Variants in RIN2 observed in about 807,000 individuals in gnomAD.
RIN2 encodes the protein RAB5 interacting protein 2.
In RIN2, 36 loss-of-function variants were observed where a neutral mutation model predicts 78.0. The ratio of observed to expected loss-of-function variants is 0.46; its 90% CI spans 0.35 to 0.61. The LOEUF is 0.61. Among genes scored for constraint, RIN2 ranks in the 20% least tolerant of loss-of-function variants. The probability of loss-of-function intolerance (pLI) is 0.00; values close to 1 mark genes in which losing one functional copy is unlikely to be tolerated. For missense variants in RIN2, 1,087 were observed against 1,159.7 expected (o/e 0.94, Z 0.91); for synonymous variants, 466 against 466.8 (o/e 1.00, Z 0.02).
At chr20:19,823,511 C>T in intron 2 of RIN2, 2 of 999,466 alleles carry the variant, frequency 2.0e-6, no homozygotes, top group East Asian at 2.4e-5. Flanking sequence ...GGGTGGCGGC[C>T]ATCAACATTA....
intron 3 of RIN2, among the ~76,000 whole-genome samples, chr20:19,892,297 A>AC (rs2038507415): frequency 6.6e-6 from 1 of 152,034 alleles, no homozygotes; most frequent in South Asian, 2.1e-4. Flanking sequence ...GCTCACTGCA[A>AC]CCTCTGCCTC....
intron 3 of RIN2, among the ~76,000 whole-genome samples, chr20:19,904,709 T>A (rs894353211): frequency 2.6e-5 from 4 of 152,186 alleles, no homozygotes; most frequent in African/African-American, 9.7e-5. Context: ...GGGATTCCAT[T>A]CTTAGTGCTA....
intron 3 of RIN2, among the ~76,000 whole-genome samples, chr20:19,894,645 A>G (rs1213334148): frequency 6.6e-6 from 1 of 151,980 alleles, no homozygotes; most frequent in Non-Finnish European, 1.5e-5. Context: ...CTTCTTTCCT[A>G]TCCTATATCC....
At chr20:19,925,471 A>G (rs1323469394) in intron 3 of RIN2, among the ~76,000 whole-genome samples, 1 of 152,256 alleles carries the variant, frequency 6.6e-6, no homozygotes, top group Non-Finnish European at 1.5e-5. Flanking sequence ...CATCATTAAA[A>G]GCTTAAGAAA....
intron 2 of RIN2, among the ~76,000 whole-genome samples, chr20:19,831,073 A>G (rs1314570644): frequency 1.3e-5 from 2 of 151,982 alleles, no homozygotes; most frequent in African/African-American, 4.8e-5. Flanking sequence ...GGAGACCCCA[A>G]CCCATGACCA....
chr20:19,918,744 T>C (rs376446709), intron 3 of RIN2, among the ~76,000 whole-genome samples: 7 of 151,522 alleles, frequency 4.6e-5, no homozygotes, highest in African/African-American at 1.7e-4. Context: ...AGCATCTGAC[T>C]TTACGGAGTC....
intron 2 of RIN2, among the ~76,000 whole-genome samples, chr20:19,862,006 TCCATATCTGATGATCACCC>T (rs2037358987): frequency 3.3e-5 from 5 of 151,856 alleles, no homozygotes; most frequent in African/African-American, 1.2e-4. Context: ...ATGATCACCC[TCCATATCTGATGATCACCC>T]TCCATATCTG....
intron 3 of RIN2, among the ~76,000 whole-genome samples, chr20:19,932,418 G>A (rs1168036062): frequency 6.6e-6 from 1 of 152,136 alleles, no homozygotes; most frequent in Non-Finnish European, 1.5e-5. Context: ...GAAAGACAAG[G>A]GGGATCCTGT....
intron 2 of RIN2, among the ~76,000 whole-genome samples, chr20:19,887,938 C>G (rs1395173831): frequency 1.3e-5 from 2 of 152,190 alleles, no homozygotes; most frequent in Non-Finnish European, 2.9e-5. Context: ...CCCAAGGTGA[C>G]AGTGTGGCTC....
At chr20:19,789,789 G>GA (rs1214092024) in intron 1 of RIN2, among the ~76,000 whole-genome samples, 5 of 152,104 alleles carry the variant, frequency 3.3e-5, no homozygotes, top group African/African-American at 1.2e-4. Context: ...TTGATGAGGA[G>GA]AAAATCACCC....
At chr20:19,906,498 G>A (rs1229563597) in intron 3 of RIN2, among the ~76,000 whole-genome samples, 2 of 152,132 alleles carry the variant, frequency 1.3e-5, no homozygotes, top group East Asian at 3.8e-4. Context: ...TGTTAACCTT[G>A]GATGCTTACA....
intron 2 of RIN2, among the ~76,000 whole-genome samples, chr20:19,849,016 C>T (rs549764944): frequency 3.9e-5 from 6 of 152,282 alleles, no homozygotes; most frequent in African/African-American, 9.6e-5. Flanking sequence ...ACATCCATTC[C>T]GTACAATGGT....
chr20:19,814,587 G>T (rs1042090296), intron 2 of RIN2, among the ~76,000 whole-genome samples: 1 of 152,074 alleles, frequency 6.6e-6, no homozygotes, highest in Middle Eastern at 3.2e-3. Context: ...TTCAATCTCT[G>T]GTCTATAGTA....
intron 2 of RIN2, among the ~76,000 whole-genome samples, chr20:19,853,523 T>G (rs187164084): frequency 6.4e-4 from 97 of 152,308 alleles, no homozygotes; most frequent in African/African-American, 2.2e-3. Flanking sequence ...TTCCTGTTTC[T>G]CCACATCCTC....
chr20:19,934,967 T>TA (rs370429459), intron 3 of RIN2, 132 bp from the exon 4 acceptor site: 11,102 of 506,412 alleles, frequency 0.022, 2 homozygotes, highest in East Asian at 0.025. Context: ...GAGCCAAGAT[T>TA]AAAAAAAAAA....
At chr20:19,923,741 A>C (rs1258237733) in intron 3 of RIN2, among the ~76,000 whole-genome samples, 1 of 152,180 alleles carries the variant, frequency 6.6e-6, no homozygotes, top group Non-Finnish European at 1.5e-5. Flanking sequence ...AACTCAGAGG[A>C]TGGGGGTGGA....
In RIN2 at chr20:19,975,315, C is replaced by A. The variant is rs1342913168; in HGVS notation, c.1290C>A (p.Ser430Arg). ...GCCATGGAGGCCGGCAGCGGCTGAG[C>A]GACATGAGCATTTCTACTTCCTCCT... ...PPCHGGRQRL[S>R]DMSISTSSSD... Residue 430 changes from serine (S) to arginine (R), a missense_variant, in exon 9 of 13, where the codon AGC (serine) becomes AGA (arginine). Coordinates refer to ENST00000255006, the MANE Select transcript of RIN2 (RefSeq NM_018993.4). This position sits in a 1 kb window ranked among gnomAD's most constrained non-coding sequence, Gnocchi z 4.9. 1 of 1,608,326 alleles carries A rather than the reference C, an allele frequency of 6.2e-7. No individual in the cohort carries two copies.
intron 1 of RIN2, among the ~76,000 whole-genome samples, chr20:19,779,171 A>C (rs2034411970): frequency 6.6e-6 from 1 of 152,144 alleles, no homozygotes; most frequent in African/African-American, 2.4e-5. Context: ...GCTCAGAAAG[A>C]TGTCTCAGTG....
intron 2 of RIN2, among the ~76,000 whole-genome samples, chr20:19,848,067 G>A (rs767772010): frequency 3.3e-5 from 5 of 152,150 alleles, no homozygotes; most frequent in Non-Finnish European, 4.4e-5. Flanking sequence ...CCTGCTTGAT[G>A]AGAAAATAAA....
Sources: gnomAD v4.1 joint callset for allele counts (sites outside exome capture counted in the v4.1 genomes callset) on GRCh38, gnomAD v4.1.1 for gene constraint, Gnocchi (gnomAD v3.1) non-coding constraint, MANE v1.5 for transcripts, NCBI Gene and HGNC (gene_info 2026-07-23, HGNC 2026-07-21) for gene names.